PKD1L3: variants seen among roughly 807,000 people sequenced by gnomAD.
PKD1L3 encodes polycystin 1 like 3, transient receptor potential channel interacting.
PKD1L3 carries 239 observed loss-of-function variants against 184.1 expected under a neutral mutation model. The ratio of observed to expected loss-of-function variants is 1.30; its 90% CI spans 1.17 to 1.45. The LOEUF (loss-of-function observed/expected upper bound fraction) is 1.45. PKD1L3 is among the 40% of genes most tolerant of loss of function. The probability of loss-of-function intolerance (pLI) is 0.00; values close to 1 mark genes in which losing one functional copy is unlikely to be tolerated. For missense variants in PKD1L3, 2,660 were observed against 2,067.2 expected, an observed-to-expected ratio of 1.29 and a Z score of -5.56; for synonymous variants, 996 against 778.8, an observed-to-expected ratio of 1.28 and a Z score of -4.64.
intron 1 of PKD1L3, 79 bp from the exon 2 acceptor site, chr16:71,998,473 G>C (rs911522721): frequency 6.7e-7 from 1 of 1,486,522 alleles, no homozygotes; most frequent in Non-Finnish European, 8.9e-7. Flanking sequence ...TTGTTTTTGA[G>C]ACAGTCCCAC....
At position 71,958,203 on chromosome 16, in the gene PKD1L3, C is replaced by T. The variant is rs995013696; in HGVS notation, c.2613-3902G>A. Among the ~76,000 whole-genome samples, 19 of 150,900 alleles carry T rather than the reference C, an allele frequency of 1.3e-4. 1 individual carries two copies. Among genetic ancestry groups the T allele is most frequent in the African/African-American group, 4.4e-4 (18 of 41,098 alleles). On this transcript the variant is annotated intron_variant, in intron 16 of 29. Coordinates refer to ENST00000620267, the MANE Select transcript of PKD1L3 (RefSeq NM_181536.2). ...GAGATCGAGACCATCCCGGCTAAAA[C>T]GGTGAAACCCCGTCTCTACTAAAAA... is the stretch of plus-strand genomic sequence containing the variant.
intron 13 of PKD1L3, among the ~76,000 whole-genome samples, chr16:71,969,127 C>A (rs1436265890): frequency 6.6e-6 from 1 of 151,274 alleles, no homozygotes; most frequent in Non-Finnish European, 1.5e-5. Flanking sequence ...GATGGAGTTT[C>A]ATCATGTTGG....
intron 10 of PKD1L3, 130 bp from the exon 11 acceptor site, chr16:71,977,597 A>G (rs1470559782): frequency 1.5e-6 from 1 of 658,484 alleles, no homozygotes; most frequent in African/African-American, 2.3e-5. Context: ...GGGTCTTGCT[A>G]TGTTGGCCAC....
chr16:71,967,566 G>A (rs1401454217), intron 14 of PKD1L3, among the ~76,000 whole-genome samples: 1 of 152,158 alleles, frequency 6.6e-6, no homozygotes, highest in African/African-American at 2.4e-5. Flanking sequence ...CCAAGTTGAA[G>A]CAATTTTCGT....
rs915476640 is a variant in PKD1L3 at position 71,942,768 on chromosome 16, G to C, written c.4116C>G (p.Thr1372=). The C allele has an allele frequency of 2.6e-6, 4 of 1,551,480 alleles. No individual in the cohort carries two copies. The highest frequency in any genetic ancestry group is 1.2e-5 in the South Asian group (1 of 84,068). ...CTTCGTCCACTTTCTCATAGGTCTTGGTACGGGGTATTTGGAAAATTAATT... is the reference window on the plus strand; with the variant it reads ...CTTCGTCCACTTTCTCATAGGTCTTCGTACGGGGTATTTGGAAAATTAATT... ...GVQLIFQIPR[T]KTYEKVDEGQ... is the part of the protein sequence containing the mutation. The change falls in exon 24 of 30, where the codon ACC becomes ACG. Residue 1372 remains threonine (T), a synonymous_variant. Coordinates refer to ENST00000620267, the MANE Select transcript of PKD1L3 (RefSeq NM_181536.2).
chr16:71,994,909 A>G (rs1003311932), intron 2 of PKD1L3, among the ~76,000 whole-genome samples: 1 of 152,038 alleles, frequency 6.6e-6, no homozygotes, highest in African/African-American at 2.4e-5. Flanking sequence ...AATCACTTGA[A>G]CCCAGGAGGT....
chr16:71,931,544 A>T (rs1317635725), intron 28 of PKD1L3, among the ~76,000 whole-genome samples: 4 of 137,866 alleles, frequency 2.9e-5, no homozygotes, highest in Non-Finnish European at 6.0e-5. Flanking sequence ...GGCTCACTGC[A>T]ACCTCCACCT....
chr16:71,942,928 G>A lies in PKD1L3; in HGVS notation c.3956C>T (p.Ser1319Leu), dbSNP rs775716960. ...AAGTTTGATTTCCGAGAACTGGTGC[G>A]AAAATGTCTTCCAGATAGCTTGGTG... ...YLHQAIWKTF[S>L]HQFSEIKLLQ... is the part of the protein sequence containing the mutation. Residue 1319 changes from serine to leucine, a missense_variant, in exon 24 of 30, where the codon TCG becomes TTG. Coordinates refer to ENST00000620267, the MANE Select transcript of PKD1L3 (RefSeq NM_181536.2). 3.0e-5 allele frequency: 46 copies of A among 1,551,384 alleles called. 1 individual carries two copies. Among genetic ancestry groups the A allele is most frequent in the Admixed American group, 1.6e-4 (8 of 50,982 alleles).
At chr16:71,971,022 T>C (rs572362706) in intron 12 of PKD1L3, among the ~76,000 whole-genome samples, 88 of 152,192 alleles carry the variant, frequency 5.8e-4, no homozygotes, top group Non-Finnish European at 1.0e-3. Context: ...GCGATTGTCT[T>C]GTTCACTGCT....
chr16:71,933,812 T>C, intron 27 of PKD1L3, 103 bp downstream of exon 27: 1 of 1,289,972 alleles, frequency 7.8e-7, no homozygotes, highest in Non-Finnish European at 1.1e-6. Context: ...GCTTTCCTAC[T>C]GTACCACCTC....
At chr16:71,951,413 G>A (rs749722483) in intron 19 of PKD1L3, 151 bp downstream of exon 19, 3 of 711,504 alleles carry the variant, frequency 4.2e-6, no homozygotes, top group Non-Finnish European at 6.8e-6. Context: ...GGAGAACAAA[G>A]CTATCAACTC....
Position 71,939,142 on chromosome 16 carries a change from T to G in PKD1L3, c.4325-1723A>C, listed in dbSNP as rs111290197. Reference sequence around the variant, plus strand: ...TACCCACAGCAGAAACCACATGCAGTACATCTGGTCCAGCTTCAGTCTTTC... The same window carrying G: ...TACCCACAGCAGAAACCACATGCAGGACATCTGGTCCAGCTTCAGTCTTTC... On this transcript the variant is annotated intron_variant, in intron 24 of 29. Transcript: ENST00000620267. 2.2e-3 allele frequency among the ~76,000 whole-genome samples: 342 copies of G among 152,354 alleles called. 2 individuals carry two copies. Among genetic ancestry groups the G allele is most frequent in the African/African-American group, 7.7e-3 (319 of 41,586 alleles).
chr16:71,959,858 C>T (rs1296408601), intron 16 of PKD1L3, among the ~76,000 whole-genome samples: 1 of 152,184 alleles, frequency 6.6e-6, no homozygotes, highest in East Asian at 1.9e-4. Context: ...TGGCTCACAC[C>T]TGTAATCCTA....
intron 9 of PKD1L3, among the ~76,000 whole-genome samples, chr16:71,979,400 C>T (rs986341195): frequency 6.6e-5 from 10 of 152,056 alleles, no homozygotes; most frequent in East Asian, 3.8e-4. Context: ...GCCGAGATCA[C>T]GCCACTGCAC....
intron 11 of PKD1L3, 93 bp downstream of exon 11, chr16:71,977,143 T>C (rs1253496309): frequency 2.0e-6 from 2 of 983,782 alleles, no homozygotes; most frequent in East Asian, 2.6e-5. Flanking sequence ...AGCCTGACAG[T>C]TTGAGGCTGC....
At chr16:71,941,166 C>CT (rs1405206359) in intron 24 of PKD1L3, among the ~76,000 whole-genome samples, 2 of 151,972 alleles carry the variant, frequency 1.3e-5, no homozygotes, top group Non-Finnish European at 2.9e-5. Context: ...CAGCCAGGCA[C>CT]TTGAACCTCT....
chr16:71,941,314 GA>G (rs990377311), intron 24 of PKD1L3, among the ~76,000 whole-genome samples: 67 of 151,190 alleles, frequency 4.4e-4, no homozygotes, highest in African/African-American at 1.3e-3. Flanking sequence ...AAGAGACTAT[GA>G]AAAAAACAAT....
Position 71,977,265 on chromosome 16 carries a change from G to T in PKD1L3, c.1730C>A (p.Thr577Asn). Residue 577 changes from threonine to asparagine, a missense_variant, in exon 11 of 30, where the codon ACC (threonine) becomes AAC (asparagine). Physicochemically the swap from Thr to Asn is moderately conservative, Grantham distance 65. Coordinates refer to ENST00000620267, the MANE Select transcript of PKD1L3 (RefSeq NM_181536.2). ...PNCTHFHLNI[T>N]LPKDKVWQKD... ...TTGCCACACCTTATCCTTTGGAAGG[G>T]TGATGTTCAGGTGGAAGTGAGTGCA... 1.3e-6 allele frequency: 2 copies of T among 1,533,622 alleles called. No homozygotes were observed. The highest frequency in any genetic ancestry group is 1.8e-6 in the Non-Finnish European group (2 of 1,130,590).
In PKD1L3 at chr16:71,993,214, A is replaced by G. The variant is rs781279122; in HGVS notation, c.535+2T>C. On this transcript the variant is annotated splice_donor_variant, in intron 3 of 29. Transcript: ENST00000620267. LOFTEE classifies it high-confidence loss of function. The stretch of plus-strand genomic sequence containing the variant: ...AAGGTTACTAGAGGAGTAACGCATT[A>G]CCTGGGGGCATTTTGTCTCTTGCTA... 7 of 1,537,716 alleles carry G rather than the reference A, an allele frequency of 4.6e-6. No individual in the cohort carries two copies. Among genetic ancestry groups the G allele is most frequent in the Non-Finnish European group, 6.2e-6 (7 of 1,136,686 alleles).
Sources: allele counts gnomAD v4.1 joint callset (sites outside exome capture counted in the v4.1 genomes callset), GRCh38; gene constraint gnomAD v4.1.1; transcripts MANE v1.5; gene names NCBI Gene and HGNC (gene_info 2026-07-23, HGNC 2026-07-21).